Variants in EHMT1 observed in about 807,000 individuals in gnomAD.
EHMT1 encodes the protein euchromatic histone lysine methyltransferase 1.
EHMT1 carries 15 observed loss-of-function variants against 147.2 expected under a neutral mutation model. That is an observed-to-expected ratio of 0.10 (90% CI 0.07 to 0.16). The LOEUF is 0.16. Among genes scored for constraint, EHMT1 ranks in the 10% least tolerant of loss-of-function variants. EHMT1 has a pLI of 1.00. For synonymous variants in EHMT1, 795 were observed against 709.6 expected, an observed-to-expected ratio of 1.12 and a Z score of -1.91; for missense variants, 1,587 against 1,772.4, an observed-to-expected ratio of 0.90 and a Z score of 1.88.
chr9:137,755,231 C>T (rs1487447938), intron 8 of EHMT1, among the ~76,000 whole-genome samples: 2 of 152,214 alleles, frequency 1.3e-5, no homozygotes, highest in African/African-American at 4.8e-5. Flanking sequence ...CCTTTGATAA[C>T]CTGGCCCCTT....
At chr9:137,739,482 C>T (rs1256883555) in intron 4 of EHMT1, among the ~76,000 whole-genome samples, 1 of 152,020 alleles carries the variant, frequency 6.6e-6, no homozygotes, top group African/African-American at 2.4e-5. Context: ...CTGCTTGGTA[C>T]AGTGTCCACA....
intron 1 of EHMT1, among the ~76,000 whole-genome samples, chr9:137,662,805 TTTA>T (rs758475464): frequency 0.034 from 4,987 of 147,284 alleles, 185 homozygotes; most frequent in African/African-American, 0.1. Context: ...TATTTATTTA[TTTA>T]TTTTTGACAG....
At chr9:137,671,520 CT>C (rs71493689) in intron 1 of EHMT1, among the ~76,000 whole-genome samples, 1,098 of 105,330 alleles carry the variant, frequency 0.01, 13 homozygotes, top group African/African-American at 0.032. Flanking sequence ...CCTTTTCTTT[CT>C]TTTTTTTTTT....
rs1338472731 is a variant in EHMT1, at chr9:137,619,024, G to A, written c.-5G>A. ...AGGGGCGGGGCCACGCTGCGGGCCC[G>A]GGCCATGGCCGCCGCCGATGCCGAG... On this transcript the variant is annotated 5_prime_UTR_variant, in exon 1 of 27. Transcript: ENST00000460843. The A allele has an allele frequency of 1.0e-5, 10 of 972,572 alleles. No individual in the cohort carries two copies. The highest frequency in any genetic ancestry group is 2.3e-4 in the East Asian group (2 of 8,778). The allele number at this position is 972,572 out of a possible 1,614,324, so 60.2% of individuals were successfully genotyped here. A position where few individuals can be genotyped will look rare whatever the true frequency, so the allele number is the denominator to read the frequency against.
Position 137,835,055 on chromosome 9 carries a change from G to C in EHMT1, c.*102G>C. 1 of 1,280,686 alleles carries C rather than the reference G, an allele frequency of 7.8e-7. No individual in the cohort carries two copies. Among genetic ancestry groups the C allele is most frequent in the Non-Finnish European group, 1.0e-6 (1 of 1,001,474 alleles). 79.3% of individuals were successfully genotyped at this position (1,280,686 alleles called of 1,614,324 possible). ...CGCACGCAACCGAAAGGGTCCTTCGGGGCTGCGCCGCCGGCTTCCTGGAGG... is the reference window on the plus strand; with the variant it reads ...CGCACGCAACCGAAAGGGTCCTTCGCGGCTGCGCCGCCGGCTTCCTGGAGG... On this transcript the variant is annotated 3_prime_UTR_variant, in exon 27 of 27. Coordinates refer to ENST00000460843, the MANE Select transcript of EHMT1 (RefSeq NM_024757.5).
rs528490912 is a variant in EHMT1 at position 137,664,297 on chromosome 9, T to C, written c.21+45248T>C. Among the ~76,000 whole-genome samples, 14 of 152,060 alleles carry C rather than the reference T, an allele frequency of 9.2e-5. No homozygotes were observed. The East Asian group carries it at 2.3e-3, about 25-fold the overall frequency. ...TGCCTGTTTAGCCATACTTTTTTTTTTTTTTTTCTTTTGAGACTGAGTCGT... is the reference window on the plus strand; with the variant it reads ...TGCCTGTTTAGCCATACTTTTTTTTCTTTTTTTCTTTTGAGACTGAGTCGT... On this transcript the variant is annotated intron_variant, in intron 1 of 26. Coordinates refer to ENST00000460843, the MANE Select transcript of EHMT1 (RefSeq NM_024757.5).
intron 13 of EHMT1, 49 bp downstream of exon 13, chr9:137,778,104 C>G: frequency 1.9e-6 from 3 of 1,610,972 alleles, no homozygotes; most frequent in Non-Finnish European, 2.5e-6. Context: ...CTGTTTTAAT[C>G]TGCACCCCGC....
At chr9:137,626,454 T>C (rs1416092016) in intron 1 of EHMT1, among the ~76,000 whole-genome samples, 1 of 150,766 alleles carries the variant, frequency 6.6e-6, no homozygotes, top group Admixed American at 6.6e-5. Flanking sequence ...GTCCGGGAGG[T>C]TGAGGCTGCA....
In EHMT1 at chr9:137,816,084, G is replaced by A. The variant is rs143421585; in HGVS notation, c.3374+22G>A. ...TCAGGTGAGAGGCAGCTTCCTGCCGGAGCCCCACATTCTGCTCGTATTAGC... is the reference window on the plus strand; with the variant it reads ...TCAGGTGAGAGGCAGCTTCCTGCCGAAGCCCCACATTCTGCTCGTATTAGC... On this transcript the variant is annotated intron_variant, in intron 23 of 26. Transcript: ENST00000460843. 1.4e-4 allele frequency: 217 copies of A among 1,594,306 alleles called. No individual in the cohort carries two copies. The East Asian group carries it at 3.4e-3, about 25-fold the overall frequency.
At chr9:137,765,287 C>G (rs1196221694) in intron 10 of EHMT1, among the ~76,000 whole-genome samples, 3 of 152,182 alleles carry the variant, frequency 2.0e-5, no homozygotes. Context: ...TAAATAGCTA[C>G]TTGTCTTTGC....
chr9:137,835,097 G>A lies in EHMT1; in HGVS notation c.*144G>A, dbSNP rs1389121695. 8.6e-5 allele frequency: 88 copies of A among 1,024,948 alleles called. No homozygotes were observed. Among genetic ancestry groups the A allele is most frequent in the Non-Finnish European group, 1.1e-4 (85 of 774,278 alleles). The allele number at this position is 1,024,948 out of a possible 1,614,324, so 63.5% of individuals were successfully genotyped here. A position where few individuals can be genotyped will look rare whatever the true frequency, so the allele number is the denominator to read the frequency against. Reference sequence around the variant, plus strand: ...TCCTGGAGGGGTCGGAGGTGAGGCTGCAGCCCCTGCGGGCGGGTGTGGATG... The same window carrying A: ...TCCTGGAGGGGTCGGAGGTGAGGCTACAGCCCCTGCGGGCGGGTGTGGATG... On this transcript the variant is annotated 3_prime_UTR_variant, in exon 27 of 27. Coordinates refer to ENST00000460843, the MANE Select transcript of EHMT1 (RefSeq NM_024757.5).
chr9:137,775,321 C>G lies in EHMT1; in HGVS notation c.1791+69C>G. 6.3e-7 allele frequency: 1 copy of G among 1,584,088 alleles called. No individual in the cohort carries two copies. The highest frequency in any genetic ancestry group is 8.5e-7 in the Non-Finnish European group (1 of 1,171,826). On this transcript the variant is annotated intron_variant, in intron 11 of 26. Coordinates refer to ENST00000460843, the MANE Select transcript of EHMT1 (RefSeq NM_024757.5). The surrounding 1 kb of genome is among the most constrained non-coding windows in gnomAD (Gnocchi z 6.1). ...GCTGTCTGCTCACTGGTGCTGGTTC[C>G]TGTCCTGTGTCCACCTGCTGTCGGG...
intron 1 of EHMT1, among the ~76,000 whole-genome samples, chr9:137,704,040 C>A (rs543443573): frequency 2.0e-5 from 3 of 152,154 alleles, no homozygotes; most frequent in African/African-American, 7.2e-5. Flanking sequence ...CTTACCTGGC[C>A]ATAAGGATGA....
At chr9:137,621,845 T>G (rs939386516) in intron 1 of EHMT1, among the ~76,000 whole-genome samples, 3 of 152,018 alleles carry the variant, frequency 2.0e-5, no homozygotes, top group Non-Finnish European at 4.4e-5. Flanking sequence ...CGCTTCTTTA[T>G]TTTTTCTTTT....
At chr9:137,699,810 C>G (rs576909075) in intron 1 of EHMT1, among the ~76,000 whole-genome samples, 4 of 152,342 alleles carry the variant, frequency 2.6e-5, no homozygotes, top group Non-Finnish European at 5.9e-5. Flanking sequence ...GGTTGCACCA[C>G]TGCACTCCAG....
At chr9:137,834,234 T>C in intron 25 of EHMT1, 115 bp from the exon 26 acceptor site, 1 of 1,372,038 alleles carries the variant, frequency 7.3e-7, no homozygotes, top group Non-Finnish European at 1.0e-6. Flanking sequence ...CCCTCCTGCA[T>C]GGCGGGCCTG....
At chr9:137,759,870 C>G (rs12003934) in intron 9 of EHMT1, among the ~76,000 whole-genome samples, 7,395 of 152,228 alleles carry the variant, frequency 0.049, 596 homozygotes, top group African/African-American at 0.17. Context: ...GGACAGGCGC[C>G]ATCGGCCTGT....
intron 15 of EHMT1, among the ~76,000 whole-genome samples, chr9:137,789,839 C>T (rs1029586562): frequency 6.6e-6 from 1 of 152,270 alleles, no homozygotes; most frequent in Non-Finnish European, 1.5e-5. Flanking sequence ...AAGCAACTCT[C>T]CTGCCTCAGC....
chr9:137,800,867 T>A lies in EHMT1; in HGVS notation c.2608-13T>A. On this transcript the variant is annotated splice_polypyrimidine_tract_variant and intron_variant, in intron 17 of 26. Coordinates refer to ENST00000460843, the MANE Select transcript of EHMT1 (RefSeq NM_024757.5). ...CTCTGGAGCGATGACAGCTTTGTCC[T>A]CTTCCCTGGCAGGATGACGGAGGCT... 6.2e-7 allele frequency: 1 copy of A among 1,613,774 alleles called. No homozygotes were observed. Among genetic ancestry groups the A allele is most frequent in the Admixed American group, 1.7e-5 (1 of 60,016 alleles).
Sources: allele counts gnomAD v4.1 joint callset (sites outside exome capture counted in the v4.1 genomes callset), GRCh38; gene constraint gnomAD v4.1.1; non-coding constraint Gnocchi (gnomAD v3.1); transcripts MANE v1.5; gene names NCBI Gene and HGNC (gene_info 2026-07-23, HGNC 2026-07-21).